Variants in MIB1 observed in about 807,000 individuals in gnomAD.
The protein encoded by MIB1 is E3 ubiquitin-protein ligase MIB1.
Under a neutral mutation model 124.5 loss-of-function variants are expected in MIB1, and 278 were observed. The observed-to-expected ratio is 2.23, with a 90% CI of 2.02 to 2.47. The LOEUF (loss-of-function observed/expected upper bound fraction) is 2.47, where lower values mean the gene tolerates loss of function less well. Ranked by LOEUF, MIB1 falls within the 30% of genes most tolerant of loss-of-function variation. The pLI is 0.00. For missense variants in MIB1, 957 were observed against 1,254.4 expected (o/e 0.76, Z 3.58); for synonymous variants, 446 against 429.4 (o/e 1.04, Z -0.48).
At chr18:21,829,912 G>A (rs1434538987) in intron 12 of MIB1, among the ~76,000 whole-genome samples, 3 of 152,080 alleles carry the variant, frequency 2.0e-5, no homozygotes, top group African/African-American at 7.2e-5. Context: ...GTTTTAGTCT[G>A]TGAGCACCTG....
At chr18:21,722,507 A>C (rs761104108) in intron 1 of MIB1, among the ~76,000 whole-genome samples, 1 of 151,848 alleles carries the variant, frequency 6.6e-6, no homozygotes, top group Non-Finnish European at 1.5e-5. Context: ...AGTAGCTGAG[A>C]TTACAGGCGC....
chr18:21,779,613 T>C lies in MIB1; in HGVS notation c.836T>C (p.Leu279Ser). Residue 279 changes from leucine to serine, a missense_variant, in exon 6 of 21, where the codon TTA becomes TCA. Coordinates refer to ENST00000261537, the MANE Select transcript of MIB1 (RefSeq NM_020774.4). ...TGGACTGATGGAATGTTTGAGACTT[T>C]AACTACAACTGGAACTGTTTGTGGC... ...GGWTDGMFET[L>S]TTTGTVCGID... 11 of 1,614,124 alleles carry C rather than the reference T, an allele frequency of 6.8e-6. No individual in the cohort carries two copies. The highest frequency in any genetic ancestry group is 9.3e-6 in the Non-Finnish European group (11 of 1,179,992).
At chr18:21,705,375 C>G (rs148998315) in intron 1 of MIB1, among the ~76,000 whole-genome samples, 2 of 152,082 alleles carry the variant, frequency 1.3e-5, no homozygotes, top group Admixed American at 1.3e-4. Flanking sequence ...GAATAGCAAC[C>G]GGGATTCAAT....
At chr18:21,830,992 A>G (rs993509044) in intron 12 of MIB1, among the ~76,000 whole-genome samples, 1 of 152,022 alleles carries the variant, frequency 6.6e-6, no homozygotes, top group African/African-American at 2.4e-5. Context: ...GGGAAAGTTA[A>G]GCAATCAAAA....
intron 1 of MIB1, among the ~76,000 whole-genome samples, chr18:21,749,718 A>T (rs1287280290): frequency 7.2e-6 from 1 of 139,426 alleles, no homozygotes; most frequent in South Asian, 2.2e-4. Context: ...TTGGCTCATC[A>T]AAACCTCTGC....
Position 21,868,790 on chromosome 18 carries a change from T to C in MIB1, c.*4124T>C, listed in dbSNP as rs987151600. The C allele has an allele frequency of 3.3e-5, 5 of 152,478 alleles. No individual in the cohort carries two copies. The highest frequency in any genetic ancestry group is 1.2e-4 in the African/African-American group (5 of 41,462). 9.4% of individuals were successfully genotyped at this position (152,478 alleles called of 1,614,324 possible). Reference sequence around the variant, plus strand: ...GTATTAATAATGATAGTTGTACTTCTTTAAAACATTAAATTTGAGGAAACT... The same window carrying C: ...GTATTAATAATGATAGTTGTACTTCCTTAAAACATTAAATTTGAGGAAACT... On this transcript the variant is annotated 3_prime_UTR_variant, in exon 21 of 21. Transcript: ENST00000261537.
chr18:21,712,658 G>C (rs2040670885), intron 1 of MIB1, among the ~76,000 whole-genome samples: 1 of 152,176 alleles, frequency 6.6e-6, no homozygotes, highest in Non-Finnish European at 1.5e-5. Context: ...TATGGAAGGA[G>C]ATTCTTTCCC....
chr18:21,857,900 C>T (rs1173792178), intron 19 of MIB1, among the ~76,000 whole-genome samples: 1 of 152,184 alleles, frequency 6.6e-6, no homozygotes. Flanking sequence ...CTGTCTGAGG[C>T]TTTTGTCTTT....
intron 10 of MIB1, among the ~76,000 whole-genome samples, chr18:21,806,114 G>T (rs1354921679): frequency 6.6e-6 from 1 of 151,612 alleles, no homozygotes; most frequent in Non-Finnish European, 1.5e-5. Flanking sequence ...TGTTGGCCAG[G>T]CTGATCTCTA....
At chr18:21,837,692 T>TA (rs1252082226) in intron 12 of MIB1, among the ~76,000 whole-genome samples, 2 of 152,212 alleles carry the variant, frequency 1.3e-5, no homozygotes, top group African/African-American at 4.8e-5. Context: ...GCTTTGAAAA[T>TA]ACTTTATTAC....
chr18:21,708,666 A>G (rs1276444036), intron 1 of MIB1, among the ~76,000 whole-genome samples: 1 of 152,152 alleles, frequency 6.6e-6, no homozygotes, highest in Non-Finnish European at 1.5e-5. Flanking sequence ...AAAAACCCAA[A>G]AAACCAAGTA....
rs542758307 is a variant in MIB1 at position 21,745,509 on chromosome 18, A to C, written c.229+3697A>C. Among the ~76,000 whole-genome samples, 5 of 152,250 alleles carry C rather than the reference A, an allele frequency of 3.3e-5. No homozygotes were observed. The East Asian group carries it at 9.7e-4, about 29-fold the overall frequency. On this transcript the variant is annotated intron_variant, in intron 1 of 20. Transcript: ENST00000261537. ...TTTAGGGATATGTACATGCGTGGTA[A>C]AAGTATGCCACGTAAAGGTAAGATA...
chr18:21,753,380 G>T (rs1261947072), intron 1 of MIB1, among the ~76,000 whole-genome samples: 1 of 151,916 alleles, frequency 6.6e-6, no homozygotes, highest in East Asian at 1.9e-4. Context: ...TAGAGACGGG[G>T]TTTCACCATG....
chr18:21,724,727 A>AAAAAAAAT (rs1350936232), intron 1 of MIB1, among the ~76,000 whole-genome samples: 4 of 17,378 alleles, frequency 2.3e-4, no homozygotes, highest in African/African-American at 5.4e-4. Context: ...AAAAAAAAAA[A>AAAAAAAAT]ATATATATAT....
intron 6 of MIB1, among the ~76,000 whole-genome samples, chr18:21,789,129 G>A (rs1333294567): frequency 3.3e-5 from 5 of 152,306 alleles, no homozygotes; most frequent in South Asian, 4.1e-4. Flanking sequence ...CAGAGTCTGG[G>A]TGTTGGCAAG....
intron 1 of MIB1, among the ~76,000 whole-genome samples, chr18:21,733,034 G>A (rs2040779334): frequency 6.6e-6 from 1 of 152,136 alleles, no homozygotes; most frequent in Non-Finnish European, 1.5e-5. Flanking sequence ...GCTTTGACTG[G>A]ACCACTTCCA....
chr18:21,721,337 C>T (rs554371198), intron 1 of MIB1, among the ~76,000 whole-genome samples: 6 of 151,344 alleles, frequency 4.0e-5, no homozygotes, highest in South Asian at 2.1e-4. Context: ...TACACCGCCA[C>T]GCCCAGCTAA....
At chr18:21,784,425 A>G (rs2041409931) in intron 6 of MIB1, among the ~76,000 whole-genome samples, 1 of 152,180 alleles carries the variant, frequency 6.6e-6, no homozygotes, top group South Asian at 2.1e-4. Context: ...AACATCTTAT[A>G]TGTGGACGGC....
chr18:21,801,235 T>C (rs2041647722), intron 9 of MIB1, among the ~76,000 whole-genome samples: 1 of 152,058 alleles, frequency 6.6e-6, no homozygotes. Flanking sequence ...CTTTACCTTT[T>C]CCTTTCCTGG....
Sources: gnomAD v4.1 joint callset for allele counts (sites outside exome capture counted in the v4.1 genomes callset) on GRCh38, gnomAD v4.1.1 for gene constraint, MANE v1.5 for transcripts, NCBI Gene and HGNC (gene_info 2026-07-23, HGNC 2026-07-21) for gene names.